The following CSMD1 variants were observed in gnomAD, a reference collection of about 807,000 sequenced individuals.
CSMD1 encodes the protein CUB and sushi domain-containing protein 1.
Under a neutral mutation model 417.5 loss-of-function variants are expected in CSMD1, and 213 were observed. That is an observed-to-expected ratio of 0.51 (90% CI 0.46 to 0.57). The LOEUF (loss-of-function observed/expected upper bound fraction) is 0.57. Ranked by LOEUF, CSMD1 falls within the 20% of genes least tolerant of loss-of-function variation. The pLI is 0.00. For synonymous variants in CSMD1, 2,862 were observed against 1,736.8 expected (o/e 1.65, Z -16.11); for missense variants, 6,923 against 4,529.7 (o/e 1.53, Z -15.17).
At chr8:4,113,058 C>A (rs974867849) in intron 3 of CSMD1, among the ~76,000 whole-genome samples, 3 of 152,098 alleles carry the variant, frequency 2.0e-5, no homozygotes, top group African/African-American at 7.2e-5. Flanking sequence ...TTTGGGGATG[C>A]CACAAACACC....
chr8:4,562,934 CTACTT>C (rs1302627713), intron 2 of CSMD1, among the ~76,000 whole-genome samples: 1 of 152,138 alleles, frequency 6.6e-6, no homozygotes, highest in Non-Finnish European at 1.5e-5. Context: ...AAAATTAACT[CTACTT>C]TCTTAAACAG....
intron 9 of CSMD1, among the ~76,000 whole-genome samples, chr8:3,581,374 G>T (rs1009492519): frequency 3.3e-5 from 5 of 152,246 alleles, no homozygotes; most frequent in Admixed American, 6.5e-5. Context: ...TATAATTACT[G>T]AGCTATGACA....
At chr8:3,197,285 A>T (rs1034287353) in intron 33 of CSMD1, among the ~76,000 whole-genome samples, 2 of 151,960 alleles carry the variant, frequency 1.3e-5, no homozygotes, top group African/African-American at 4.8e-5. Flanking sequence ...TTCACTGTAG[A>T]CCCCAGCAGC....
chr8:3,712,666 T>C (rs1801595078), intron 6 of CSMD1, among the ~76,000 whole-genome samples: 1 of 152,210 alleles, frequency 6.6e-6, no homozygotes, highest in South Asian at 2.1e-4. Context: ...GAGCTTGGTT[T>C]AGCTTTGTTA....
At chr8:4,283,072 T>G (rs1025250406) in intron 3 of CSMD1, among the ~76,000 whole-genome samples, 26 of 152,328 alleles carry the variant, frequency 1.7e-4, no homozygotes, top group Non-Finnish European at 3.8e-4. Context: ...AGACTGTTTT[T>G]AAGGTCAACA....
At chr8:4,272,731 C>T (rs1804684252) in intron 3 of CSMD1, among the ~76,000 whole-genome samples, 1 of 152,074 alleles carries the variant, frequency 6.6e-6, no homozygotes, top group African/African-American at 2.4e-5. Context: ...CTTGACTGTA[C>T]ATTTTTCATT....
chr8:3,398,134 G>C (rs1811813153), intron 16 of CSMD1, among the ~76,000 whole-genome samples: 1 of 152,086 alleles, frequency 6.6e-6, no homozygotes, highest in Admixed American at 6.6e-5. Flanking sequence ...TAATAGACTG[G>C]CCAGAGAAGA....
intron 3 of CSMD1, among the ~76,000 whole-genome samples, chr8:4,054,158 A>C (rs187129982): frequency 8.5e-4 from 129 of 152,206 alleles, no homozygotes; most frequent in Non-Finnish European, 1.7e-3. Context: ...AGAACTCCTC[A>C]TTACCACCAT....
At chr8:3,032,143 G>A (rs1274010856) in intron 50 of CSMD1, among the ~76,000 whole-genome samples, 1 of 151,966 alleles carries the variant, frequency 6.6e-6, no homozygotes, top group Non-Finnish European at 1.5e-5. Flanking sequence ...TAATATTAAA[G>A]TCCATCTTGT....
intron 10 of CSMD1, among the ~76,000 whole-genome samples, chr8:3,524,352 AAGAC>A (rs1453233586): frequency 1.4e-5 from 2 of 143,492 alleles, no homozygotes; most frequent in South Asian, 2.3e-4. Flanking sequence ...CACACCCAGA[AAGAC>A]AGGCGCACAC....
At chr8:4,368,278 G>A (rs1401837080) in intron 3 of CSMD1, among the ~76,000 whole-genome samples, 1 of 152,086 alleles carries the variant, frequency 6.6e-6, no homozygotes, top group East Asian at 1.9e-4. Context: ...TGTGTATATG[G>A]TGAATCACAT....
At chr8:3,379,535 G>T (rs532638181) in intron 18 of CSMD1, among the ~76,000 whole-genome samples, 3 of 152,112 alleles carry the variant, frequency 2.0e-5, no homozygotes, top group Non-Finnish European at 4.4e-5. Context: ...GCAAGGTACT[G>T]GTACCAAAGC....
intron 7 of CSMD1, among the ~76,000 whole-genome samples, chr8:3,657,475 GA>G (rs1174498606): frequency 2.6e-5 from 4 of 152,120 alleles, no homozygotes; most frequent in Non-Finnish European, 5.9e-5. Flanking sequence ...ACTGGATAAA[GA>G]AAATGTGTCA....
chr8:3,570,545 T>C (rs1016320259), intron 10 of CSMD1, among the ~76,000 whole-genome samples: 3 of 118,268 alleles, frequency 2.5e-5, no homozygotes, highest in Admixed American at 1.9e-4. Context: ...AGGGGAAATA[T>C]TGTCTCCGCT....
In CSMD1 at chr8:4,038,251, T is replaced by C. The variant is rs75290370; in HGVS notation, c.416-6152A>G. On this transcript the variant is annotated intron_variant, in intron 3 of 69. Transcript: ENST00000635120. ...TTTTAATGGGAACAATGTGAATAAA[T>C]AGAAATAATTAAGAATAAATTAGAA... Among the ~76,000 whole-genome samples the C allele has an allele frequency of 4.4e-3, 665 of 152,214 alleles. 23 individuals carry two copies. In the East Asian group the frequency reaches 0.054, roughly 12 times the overall value.
intron 3 of CSMD1, among the ~76,000 whole-genome samples, chr8:4,366,451 G>T (rs1227490362): frequency 6.6e-6 from 1 of 152,070 alleles, no homozygotes; most frequent in East Asian, 1.9e-4. Flanking sequence ...CCCAAAGGTG[G>T]GACTGCTGGT....
intron 5 of CSMD1, among the ~76,000 whole-genome samples, chr8:3,795,088 G>GATACATATCTATCATGTATAGCTATAT (rs1563086933): frequency 7.7e-5 from 8 of 103,858 alleles, no homozygotes; most frequent in Non-Finnish European, 8.1e-5. Context: ...TACAGCTATA[G>GATACATATCTATCATGTATAGCTATAT]ATATATATCT....
At chr8:3,403,884 CTG>C (rs1585112838) in intron 15 of CSMD1, among the ~76,000 whole-genome samples, 1 of 152,288 alleles carries the variant, frequency 6.6e-6, no homozygotes, top group East Asian at 1.9e-4. Context: ...AACATAAAAA[CTG>C]TACATTTACC....
At chr8:4,570,039 C>T (rs1247373113) in intron 2 of CSMD1, among the ~76,000 whole-genome samples, 1 of 152,170 alleles carries the variant, frequency 6.6e-6, no homozygotes, top group African/African-American at 2.4e-5. Context: ...ACTTTTTGGA[C>T]TGAGACAATG....
Sources: allele counts gnomAD v4.1 joint callset (sites outside exome capture counted in the v4.1 genomes callset), GRCh38; gene constraint gnomAD v4.1.1; transcripts MANE v1.5; gene names NCBI Gene and HGNC (gene_info 2026-07-23, HGNC 2026-07-21).